ANKRD53: variants seen among roughly 807,000 people sequenced by gnomAD.
ANKRD53 encodes ankyrin repeat domain 53.
In ANKRD53, 27 loss-of-function variants were observed where a neutral mutation model predicts 30.1. The observed-to-expected ratio is 0.90, with a 90% CI of 0.66 to 1.24. The LOEUF (loss-of-function observed/expected upper bound fraction) is 1.24, where lower values mean the gene tolerates loss of function less well. Among genes scored for constraint, ANKRD53 ranks in the 50% most tolerant of loss-of-function variants. The pLI is 0.00. For missense variants in ANKRD53, 682 were observed against 721.0 expected, an observed-to-expected ratio of 0.95 and a Z score of 0.62; for synonymous variants, 286 against 295.4, an observed-to-expected ratio of 0.97 and a Z score of 0.33.
In ANKRD53 at chr2:70,985,272, C is replaced by T; in HGVS notation, c.1565C>T (p.Thr522Ile). The change falls in exon 6 of 6, where the codon ACC becomes ATC. Residue 522 changes from threonine to isoleucine, a missense_variant. Physicochemically the swap from Thr to Ile is moderately conservative, Grantham distance 89 (BLOSUM62 -1). Coordinates refer to ENST00000360589, the MANE Select transcript of ANKRD53 (RefSeq NM_001115116.2). ...GTGCGATCTCATCAAGGACTCCCCACCCTGCCCTCCCCACAAACCAACCCA... is the reference window on the plus strand; with the variant it reads ...GTGCGATCTCATCAAGGACTCCCCATCCTGCCCTCCCCACAAACCAACCCA... ...AAVRSHQGLPTLPSPQTNP is the reference protein window; with the variant it reads ...AAVRSHQGLPILPSPQTNP 6.5e-7 allele frequency: 1 copy of T among 1,547,402 alleles called. No homozygotes were observed. Among genetic ancestry groups the T allele is most frequent in the Non-Finnish European group, 8.7e-7 (1 of 1,144,310 alleles).
intron 3 of ANKRD53, among the ~76,000 whole-genome samples, chr2:70,981,617 G>A (rs1258689375): frequency 2.0e-5 from 3 of 152,242 alleles, no homozygotes; most frequent in Admixed American, 6.5e-5. Flanking sequence ...GGAATCTGGT[G>A]AGGCATAGGG....
chr2:70,984,922 C>G lies in ANKRD53; in HGVS notation c.1215C>G (p.Gly405=). 1.9e-6 allele frequency: 3 copies of G among 1,550,896 alleles called. No individual in the cohort carries two copies. Among genetic ancestry groups the G allele is most frequent in the Non-Finnish European group, 2.6e-6 (3 of 1,146,996 alleles). Residue 405 remains glycine (G), a synonymous_variant, in exon 6 of 6, where the codon GGC becomes GGG. Transcript: ENST00000360589. ...CCACCCAGATCAGCCACTCGCAGGG[C>G]ATCCGCCTGGGCGTGCATCCAGACC... ...PPTTQISHSQ[G]IRLGVHPDPT...
Position 70,982,101 on chromosome 2 carries a change from G to A in ANKRD53, c.782+1G>A. The stretch of plus-strand genomic sequence containing the variant: ...TATGGAACCACCGTGCCTGTGCCCG[G>A]TGAGAGTGTGAGAACCACCTGGAGC... On this transcript the variant is annotated splice_donor_variant, in intron 4 of 5. Coordinates refer to ENST00000360589, the MANE Select transcript of ANKRD53 (RefSeq NM_001115116.2). LOFTEE classifies it high-confidence loss of function. The surrounding 1 kb of genome is among the most constrained non-coding windows in gnomAD (Gnocchi z 4.2). The A allele has an allele frequency of 6.3e-7, 1 of 1,598,516 alleles. No homozygotes were observed. Among genetic ancestry groups the A allele is most frequent in the Non-Finnish European group, 8.5e-7 (1 of 1,171,192 alleles).
At chr2:70,979,398 C>T in intron 2 of ANKRD53, 55 bp downstream of exon 2, 3 of 1,605,822 alleles carry the variant, frequency 1.9e-6, no homozygotes, top group Non-Finnish European at 2.6e-6. Flanking sequence ...CTACGCTGCT[C>T]GGAGTGGTCA....
At chr2:70,978,612 C>T (rs989015966), upstream of ANKRD53, 24 of 1,497,086 alleles carry the variant, frequency 1.6e-5, no homozygotes, top group Non-Finnish European at 2.0e-5. This position sits in a 1 kb window ranked among gnomAD's most constrained non-coding sequence, Gnocchi z 4.3. Flanking sequence ...GTGTGAGTAG[C>T]CCGCCCGGCC....
Position 70,979,390 on chromosome 2 carries a change from A to G in ANKRD53, c.417+47A>G, listed in dbSNP as rs781863930. On this transcript the variant is annotated intron_variant, in intron 2 of 5. Coordinates refer to ENST00000360589, the MANE Select transcript of ANKRD53 (RefSeq NM_001115116.2). ...CAAAGACCGAGGTCCCTCTCCCGCT[A>G]CGCTGCTCGGAGTGGTCACCTGGAG... 6.2e-6 allele frequency: 10 copies of G among 1,609,382 alleles called. No homozygotes were observed. The South Asian group carries it at 1.1e-4, about 18-fold the overall frequency.
Position 70,978,883 on chromosome 2 carries a change from C to A in ANKRD53, c.170+68C>A. 6.6e-7 allele frequency: 1 copy of A among 1,513,728 alleles called. No homozygotes were observed. Among genetic ancestry groups the A allele is most frequent in the Non-Finnish European group, 8.9e-7 (1 of 1,129,096 alleles). 93.8% of individuals were successfully genotyped at this position (1,513,728 alleles called of 1,614,324 possible). A position where few individuals can be genotyped will look rare whatever the true frequency, so the allele number is the denominator to read the frequency against. ...CCCGGCCCAGCGCCTCCCTGGTGGG[C>A]AGGGCCTGGAGCGGGCGGGGGCGGA... On this transcript the variant is annotated intron_variant, in intron 1 of 5. Transcript: ENST00000360589. This position sits in a 1 kb window ranked among gnomAD's most constrained non-coding sequence, Gnocchi z 4.3.
Position 70,978,966 on chromosome 2 carries a change from GGTGCCTAGGCCGTGGCCCAGAGTC to G in ANKRD53, c.171-129_171-106del. 3.6e-5 allele frequency: 52 copies of G among 1,444,548 alleles called. No homozygotes were observed. Among genetic ancestry groups the G allele is most frequent in the Non-Finnish European group, 4.7e-5 (52 of 1,098,550 alleles). The allele number at this position is 1,444,548 out of a possible 1,614,324, so 89.5% of individuals were successfully genotyped here. A position where few individuals can be genotyped will look rare whatever the true frequency, so the allele number is the denominator to read the frequency against. ...TGGGGCCAGGGATCGCCTCCCGAGA[GGTGCCTAGGCCGTGGCCCAGAGTC>G]GCTTCCCCACTGCCCCGCCCACCAG... On this transcript the variant is annotated intron_variant, in intron 1 of 5. Coordinates refer to ENST00000360589, the MANE Select transcript of ANKRD53 (RefSeq NM_001115116.2). The surrounding 1 kb of genome is among the most constrained non-coding windows in gnomAD (Gnocchi z 4.3).
rs782570025 is a variant in ANKRD53 at position 70,985,362 on chromosome 2, C to T, written c.*62C>T. The T allele has an allele frequency of 1.2e-5, 17 of 1,446,830 alleles. No homozygotes were observed. Among genetic ancestry groups the T allele is most frequent in the Middle Eastern group, 2.4e-4 (1 of 4,178 alleles). The allele number at this position is 1,446,830 out of a possible 1,614,324, so 89.6% of individuals were successfully genotyped here. A position where few individuals can be genotyped will look rare whatever the true frequency, so the allele number is the denominator to read the frequency against. The stretch of plus-strand genomic sequence containing the variant: ...GTGAAGGCTGAAGTGTGGCAATTCA[C>T]GTTGTGGGTGGCGAGGAAAGGGGGA... On this transcript the variant is annotated 3_prime_UTR_variant, in exon 6 of 6. Transcript: ENST00000360589.
Position 70,984,950 on chromosome 2 carries a change from A to G in ANKRD53, c.1243A>G (p.Thr415Ala). The G allele has an allele frequency of 6.5e-7, 1 of 1,549,764 alleles. No homozygotes were observed. The highest frequency in any genetic ancestry group is 8.7e-7 in the Non-Finnish European group (1 of 1,146,594). ...GIRLGVHPDPTPEHDFSSFLE... is the reference protein window; with the variant it reads ...GIRLGVHPDPAPEHDFSSFLE... The stretch of plus-strand genomic sequence containing the variant: ...CCGCCTGGGCGTGCATCCAGACCCC[A>G]CTCCGGAGCACGACTTCAGCAGCTT... Residue 415 changes from threonine (T) to alanine (A), a missense_variant, in exon 6 of 6, where the codon ACT (threonine) becomes GCT (alanine). Physicochemically the swap from Thr to Ala is moderately conservative, Grantham distance 58. Coordinates refer to ENST00000360589, the MANE Select transcript of ANKRD53 (RefSeq NM_001115116.2).
intron 2 of ANKRD53, 24 bp downstream of exon 2, chr2:70,979,367 A>G (rs1553423101): frequency 6.2e-7 from 1 of 1,612,640 alleles, no homozygotes; most frequent in Non-Finnish European, 8.5e-7. Flanking sequence ...TGTTGGGGCA[A>G]AGACCGAGGT....
At chr2:70,983,483 A>T (rs573959967) in intron 5 of ANKRD53, among the ~76,000 whole-genome samples, 16 of 152,290 alleles carry the variant, frequency 1.1e-4, no homozygotes, top group Non-Finnish European at 2.2e-4. Flanking sequence ...AGGGTGCAAA[A>T]CCCAGAAAAC....
In ANKRD53 at chr2:70,979,121, C is replaced by T. The variant is rs1553422963; in HGVS notation, c.195C>T (p.Asp65=). The T allele has an allele frequency of 6.2e-7, 1 of 1,605,098 alleles. No individual in the cohort carries two copies. Among genetic ancestry groups the T allele is most frequent in the Admixed American group, 1.7e-5 (1 of 59,828 alleles). The change falls in exon 2 of 6, where the codon GAC becomes GAT. Residue 65 remains aspartate (D), a synonymous_variant. Transcript: ENST00000360589. The part of the protein sequence containing the change: ...QPSQPLPDLA[D]HLSAQATALA... ...GCCAGCCCCTGCCCGACCTCGCAGA[C>T]CACCTCAGTGCGCAGGCGACTGCCC...
Position 70,982,412 on chromosome 2 carries a change from T to TAGGGAGCC in ANKRD53, c.783-162_783-155dup. 1.0e-6 allele frequency: 1 copy of TAGGGAGCC among 972,212 alleles called. No individual in the cohort carries two copies. Among genetic ancestry groups the TAGGGAGCC allele is most frequent in the East Asian group, 2.6e-5 (1 of 38,370 alleles). The allele number at this position is 972,212 out of a possible 1,614,324, so 60.2% of individuals were successfully genotyped here. The stretch of plus-strand genomic sequence containing the variant: ...ACTTTCGTCTTTCACCTAAAGGAAG[T>TAGGGAGCC]AGGGAGCCAGAGGGCCCCGGGCAAT... On this transcript the variant is annotated intron_variant, in intron 4 of 5. Coordinates refer to ENST00000360589, the MANE Select transcript of ANKRD53 (RefSeq NM_001115116.2). The surrounding 1 kb of genome is among the most constrained non-coding windows in gnomAD (Gnocchi z 4.2).
At chr2:70,984,044 C>A in intron 5 of ANKRD53, 1 of 1,385,416 alleles carries the variant, frequency 7.2e-7, no homozygotes, top group Non-Finnish European at 1.0e-6. Context: ...ATCCTCCCTA[C>A]ATGACTTCTC....
chr2:70,979,650 G>C lies in ANKRD53; in HGVS notation c.418-11G>C, dbSNP rs1553423162. 6.2e-7 allele frequency: 1 copy of C among 1,611,672 alleles called. No homozygotes were observed. Among genetic ancestry groups the C allele is most frequent in the Non-Finnish European group, 8.5e-7 (1 of 1,178,840 alleles). ...CACTCAGCCTCCTCCTGCCTGCTCT[G>C]AACCTCACAGGGCTTCACTGCCATC... On this transcript the variant is annotated splice_polypyrimidine_tract_variant and intron_variant, in intron 2 of 5. Coordinates refer to ENST00000360589, the MANE Select transcript of ANKRD53 (RefSeq NM_001115116.2).
In ANKRD53 at chr2:70,985,034, T is replaced by C. The variant is rs1261902793; in HGVS notation, c.1327T>C (p.Trp443Arg). The change falls in exon 6 of 6, where the codon TGG (tryptophan) becomes CGG (arginine). Residue 443 changes from tryptophan to arginine, a missense_variant. Trp to Arg is a moderately radical substitution (Grantham distance 101). Transcript: ENST00000360589. ...GARLHTVDGH[W>R]VAPVPRLPFE... Reference sequence around the variant, plus strand: ...GCGGCTGCACACAGTGGACGGCCACTGGGTGGCGCCCGTGCCGCGGCTGCC... The same window carrying C: ...GCGGCTGCACACAGTGGACGGCCACCGGGTGGCGCCCGTGCCGCGGCTGCC... The C allele has an allele frequency of 6.0e-5, 93 of 1,549,384 alleles. No individual in the cohort carries two copies. The highest frequency in any genetic ancestry group is 7.4e-5 in the Non-Finnish European group (85 of 1,146,734).
In ANKRD53 at chr2:70,979,852, C is replaced by T. The variant is rs1342318197; in HGVS notation, c.609C>T (p.Asp203=). 2 of 1,614,226 alleles carry T rather than the reference C, an allele frequency of 1.2e-6. No homozygotes were observed. Among genetic ancestry groups the T allele is most frequent in the East Asian group, 4.5e-5 (2 of 44,890 alleles). Reference sequence around the variant, plus strand: ...ACTACCTGCTGGAGAAAGGCGCAGACCTCAATGCGTGAGTCCAGCCTGCTT... The same window carrying T: ...ACTACCTGCTGGAGAAAGGCGCAGATCTCAATGCGTGAGTCCAGCCTGCTT... ...CIYYLLEKGA[D]LNAQTCNGST... The change falls in exon 3 of 6, where the codon GAC becomes GAT. Residue 203 remains aspartate, a synonymous_variant. Coordinates refer to ENST00000360589, the MANE Select transcript of ANKRD53 (RefSeq NM_001115116.2).
chr2:70,978,698 CAGAA>C lies in ANKRD53; in HGVS notation c.56_59del (p.Glu19GlyfsTer25), dbSNP rs1194874557. 2.6e-6 allele frequency: 4 copies of C among 1,546,116 alleles called. No individual in the cohort carries two copies. The highest frequency in any genetic ancestry group is 2.5e-5 in the East Asian group (1 of 40,604). On this transcript the variant is annotated frameshift_variant, in exon 1 of 6. Transcript: ENST00000360589. LOFTEE classifies it high-confidence loss of function. The surrounding 1 kb of genome is among the most constrained non-coding windows in gnomAD (Gnocchi z 4.3). Reference sequence around the variant, plus strand: ...CGGGCGGGCTCCGGAAGCTGGCACTCAGAAAGGGGAGAAGGGAGAGGTGCTCGGC... The same window carrying C: ...CGGGCGGGCTCCGGAAGCTGGCACTCAGGGGAGAAGGGAGAGGTGCTCGGC...
Sources: gnomAD v4.1 joint callset for allele counts (sites outside exome capture counted in the v4.1 genomes callset) on GRCh38, gnomAD v4.1.1 for gene constraint, Gnocchi (gnomAD v3.1) non-coding constraint, MANE v1.5 for transcripts, NCBI Gene and HGNC (gene_info 2026-07-23, HGNC 2026-07-21) for gene names.